Variants in AP3M1 observed in about 807,000 individuals in gnomAD.
The protein encoded by AP3M1 is AP-3 complex subunit mu-1.
A neutral mutation model predicts 42.6 loss-of-function variants in AP3M1; 29 were observed. That is an observed-to-expected ratio of 0.68 (90% CI 0.51 to 0.93). AP3M1 has a LOEUF of 0.93. AP3M1 is among the 40% of genes least tolerant of loss of function. The probability of loss-of-function intolerance (pLI) is 0.00; values close to 1 mark genes in which losing one functional copy is unlikely to be tolerated. For missense variants in AP3M1, 416 were observed against 510.2 expected (o/e 0.82, Z 1.78); for synonymous variants, 178 against 175.3 (o/e 1.02, Z -0.12).
rs770973823 is a variant in AP3M1 at position 74,123,627 on chromosome 10, G to C, written c.*183C>G. On this transcript the variant is annotated 3_prime_UTR_variant, in exon 9 of 9. Coordinates refer to ENST00000355264, the MANE Select transcript of AP3M1 (RefSeq NM_012095.6). ...ACAAAATAAGCTAAGTCACTAAAAGGTTTCCTTAGCTTAAAGCTCCTTAAG... is the reference window on the plus strand; with the variant it reads ...ACAAAATAAGCTAAGTCACTAAAAGCTTTCCTTAGCTTAAAGCTCCTTAAG... 1.7e-6 allele frequency: 1 copy of C among 583,090 alleles called. No homozygotes were observed. Among genetic ancestry groups the C allele is most frequent in the African/African-American group, 1.9e-5 (1 of 52,874 alleles). The allele number at this position is 583,090 out of a possible 1,614,324, so 36.1% of individuals were successfully genotyped here.
chr10:74,150,709 T>G (rs1841544204), intron 1 of AP3M1, 46 bp downstream of exon 1: 1 of 154,634 alleles, frequency 6.5e-6, no homozygotes, highest in Non-Finnish European at 1.4e-5. Flanking sequence ...ACTCCCGGGT[T>G]TTGGAGCTGT....
chr10:74,139,229 C>T (rs58113122), intron 1 of AP3M1, among the ~76,000 whole-genome samples: 5,812 of 151,858 alleles, frequency 0.038, 413 homozygotes, highest in African/African-American at 0.13. Flanking sequence ...CAAAAAAAAA[C>T]CTATTAGAGC....
chr10:74,138,132 A>G lies in AP3M1; in HGVS notation c.248T>C (p.Leu83Pro). The change falls in exon 2 of 9, where the codon CTA (leucine) becomes CCA (proline). Residue 83 changes from leucine (L) to proline (P), a missense_variant. Transcript: ENST00000355264. ...EVPPLFVIEF[L>P]HRVADTFQDY... ...CTGAAAAGTGTCAGCAACTCGATGT[A>G]GGAACTCAATTACAAAGAGAGGTGG... The G allele has an allele frequency of 1.9e-6, 3 of 1,614,078 alleles. No individual in the cohort carries two copies. The highest frequency in any genetic ancestry group is 1.7e-6 in the Non-Finnish European group (2 of 1,179,958).
chr10:74,149,872 G>A (rs1207552289), intron 1 of AP3M1, among the ~76,000 whole-genome samples: 6 of 152,130 alleles, frequency 3.9e-5, no homozygotes, highest in Admixed American at 6.5e-5. Flanking sequence ...AATGATGAAG[G>A]ATTGGTCTAC....
intron 5 of AP3M1, 130 bp from the exon 6 acceptor site, chr10:74,129,371 C>T (rs963623761): frequency 2.5e-5 from 20 of 785,100 alleles, no homozygotes; most frequent in African/African-American, 1.1e-4. Context: ...ATCTACACAA[C>T]CTTATAGTTT....
chr10:74,138,955 A>G (rs1264273340), intron 1 of AP3M1: 2 of 151,698 alleles, frequency 1.3e-5, no homozygotes, highest in African/African-American at 4.8e-5. Flanking sequence ...AAAAAAAAAA[A>G]AAAATTTCCT....
chr10:74,138,207 C>T lies in AP3M1; in HGVS notation c.173G>A (p.Ser58Asn). 6.2e-7 allele frequency: 1 copy of T among 1,614,120 alleles called. No individual in the cohort carries two copies. The highest frequency in any genetic ancestry group is 1.3e-5 in the African/African-American group (1 of 75,032). Residue 58 changes from serine to asparagine, a missense_variant, in exon 2 of 9, where the codon AGT becomes AAT. Physicochemically the swap from Ser to Asn is conservative, Grantham distance 46. Transcript: ENST00000355264. The part of the protein sequence containing the change: ...VISTPHHYLI[S>N]IYRDKLFFVS... ...AAAGAAGAGCTTATCCCGGTAGATA[C>T]TGATGAGGTAGTGGTGAGGTGTTGA...
chr10:74,138,387 TG>T lies in AP3M1; in HGVS notation c.-3-6del, dbSNP rs766069974. 6.2e-7 allele frequency: 1 copy of T among 1,606,912 alleles called. No individual in the cohort carries two copies. Among genetic ancestry groups the T allele is most frequent in the Non-Finnish European group, 8.5e-7 (1 of 1,176,030 alleles). On this transcript the variant is annotated splice_region_variant and splice_polypyrimidine_tract_variant and intron_variant, in intron 1 of 8. Coordinates refer to ENST00000355264, the MANE Select transcript of AP3M1 (RefSeq NM_012095.6). ...AAATAGACTGTGGATCATTTTCTGTTGGGGCAAAGAAAGGTTTAAATTTATT... is the reference window on the plus strand; with the variant it reads ...AAATAGACTGTGGATCATTTTCTGTTGGGCAAAGAAAGGTTTAAATTTATT...
At chr10:74,126,600 C>T (rs542873614) in intron 6 of AP3M1, among the ~76,000 whole-genome samples, 1 of 152,170 alleles carries the variant, frequency 6.6e-6, no homozygotes, top group East Asian at 1.9e-4. Context: ...GTAATCCCAG[C>T]ACTTTGGGAG....
intron 4 of AP3M1, 118 bp from the exon 5 acceptor site, chr10:74,130,110 G>A: frequency 1.3e-6 from 1 of 761,362 alleles, no homozygotes; most frequent in South Asian, 1.7e-5. Context: ...TTGCTCTGTT[G>A]CCAAGGTTGG....
At chr10:74,141,122 C>A (rs890761148) in intron 1 of AP3M1, among the ~76,000 whole-genome samples, 1 of 151,910 alleles carries the variant, frequency 6.6e-6, no homozygotes, top group African/African-American at 2.4e-5. Context: ...TTAAAGGGAC[C>A]CCTATCCGGA....
At chr10:74,139,162 G>C (rs1458417651) in intron 1 of AP3M1, among the ~76,000 whole-genome samples, 1 of 151,912 alleles carries the variant, frequency 6.6e-6, no homozygotes. Flanking sequence ...AAGTAAAACT[G>C]TATCTGTAGA....
chr10:74,133,732 G>A (rs1410536581), intron 4 of AP3M1, among the ~76,000 whole-genome samples: 3 of 143,692 alleles, frequency 2.1e-5, no homozygotes, highest in African/African-American at 5.2e-5. Context: ...TTGTCTCATT[G>A]CAACCTCTGC....
intron 3 of AP3M1, among the ~76,000 whole-genome samples, 177 bp downstream of exon 3, chr10:74,136,455 T>G (rs1376893487): frequency 6.6e-6 from 1 of 152,184 alleles, no homozygotes; most frequent in African/African-American, 2.4e-5. Flanking sequence ...CTTTATCACT[T>G]AAGGTCTAGC....
intron 4 of AP3M1, among the ~76,000 whole-genome samples, chr10:74,130,377 G>A (rs948890436): frequency 3.9e-5 from 6 of 152,116 alleles, no homozygotes; most frequent in African/African-American, 1.4e-4. Context: ...ATTTTTAAGA[G>A]ATAAAGTCTG....
At chr10:74,127,102 A>T (rs901400558) in intron 6 of AP3M1, among the ~76,000 whole-genome samples, 2 of 152,142 alleles carry the variant, frequency 1.3e-5, no homozygotes, top group Non-Finnish European at 1.5e-5. Context: ...TAACTTGGAG[A>T]TGATTTAAAG....
At chr10:74,131,169 T>A (rs151092925) in intron 4 of AP3M1, among the ~76,000 whole-genome samples, 2,019 of 152,142 alleles carry the variant, frequency 0.013, 52 homozygotes, top group African/African-American at 0.046. Flanking sequence ...TATTTTTTTT[T>A]AATTTTTTTT....
At chr10:74,147,694 G>A (rs1341107045) in intron 1 of AP3M1, among the ~76,000 whole-genome samples, 2 of 152,168 alleles carry the variant, frequency 1.3e-5, no homozygotes, top group African/African-American at 4.8e-5. Flanking sequence ...GGACACTGGT[G>A]ATCTTGGTAA....
chr10:74,144,126 TA>T (rs1345231300), intron 1 of AP3M1, among the ~76,000 whole-genome samples: 1 of 152,080 alleles, frequency 6.6e-6, no homozygotes, highest in Admixed American at 6.5e-5. Context: ...CACGCCTGGC[TA>T]ATTTTTTGTA....
Sources: gnomAD v4.1 joint callset for allele counts (sites outside exome capture counted in the v4.1 genomes callset) on GRCh38, gnomAD v4.1.1 for gene constraint, MANE v1.5 for transcripts, NCBI Gene and HGNC (gene_info 2026-07-23, HGNC 2026-07-21) for gene names.